The following ZNRF1 variants were observed in gnomAD, a reference collection of about 807,000 sequenced individuals.
The protein encoded by ZNRF1 is E3 ubiquitin-protein ligase ZNRF1.
In ZNRF1, 3 loss-of-function variants were observed where a neutral mutation model predicts 18.4. The observed-to-expected ratio is 0.16, with a 90% CI of 0.07 to 0.42. The LOEUF (loss-of-function observed/expected upper bound fraction) is 0.42. Among genes scored for constraint, ZNRF1 ranks in the 10% least tolerant of loss-of-function variants. ZNRF1 has a pLI of 0.99. For synonymous variants in ZNRF1, 157 were observed against 144.2 expected, an observed-to-expected ratio of 1.09 and a Z score of -0.64; for missense variants, 310 against 329.8, an observed-to-expected ratio of 0.94 and a Z score of 0.47.
At chr16:75,047,110 C>T (rs1680843758) in intron 1 of ZNRF1, among the ~76,000 whole-genome samples, 2 of 152,140 alleles carry the variant, frequency 1.3e-5, no homozygotes, top group Admixed American at 6.6e-5. Context: ...TACAGATCCA[C>T]CCCATTCATT....
At chr16:75,007,120 C>T (rs572530901) in intron 1 of ZNRF1, among the ~76,000 whole-genome samples, 4 of 150,382 alleles carry the variant, frequency 2.7e-5, no homozygotes, top group South Asian at 2.1e-4. Context: ...TGCAGTGGCA[C>T]GATCATGGCT....
intron 1 of ZNRF1, among the ~76,000 whole-genome samples, chr16:75,030,936 G>A (rs1447307721): frequency 2.0e-5 from 3 of 149,334 alleles, no homozygotes; most frequent in Non-Finnish European, 4.4e-5. Flanking sequence ...CGCCTCCCGG[G>A]TTCAAGCAAT....
chr16:75,032,269 C>T (rs1234341952), intron 1 of ZNRF1, among the ~76,000 whole-genome samples: 1 of 150,024 alleles, frequency 6.7e-6, no homozygotes, highest in Non-Finnish European at 1.5e-5. Flanking sequence ...GCCATCCTGC[C>T]TGGCTAAGTT....
rs1242260016 is a variant in ZNRF1, at chr16:75,109,462, T to TC, written c.*1764dup. 6.5e-6 allele frequency: 1 copy of TC among 153,000 alleles called. No homozygotes were observed. The highest frequency in any genetic ancestry group is 1.5e-5 in the Non-Finnish European group (1 of 68,432). The allele number at this position is 153,000 out of a possible 1,614,324, so 9.5% of individuals were successfully genotyped here. A position where few individuals can be genotyped will look rare whatever the true frequency, so the allele number is the denominator to read the frequency against. ...ACGGCCCCTGGCTCCGCAGTCACCC[T>TC]CCATCAGATGCTTCCAGAAGCACCT... is the stretch of plus-strand genomic sequence containing the variant. On this transcript the variant is annotated 3_prime_UTR_variant, in exon 5 of 5. Transcript: ENST00000335325.
intron 1 of ZNRF1, among the ~76,000 whole-genome samples, chr16:75,010,711 G>GTTT (rs67210395): frequency 0.015 from 1,142 of 74,156 alleles, 109 homozygotes; most frequent in African/African-American, 0.036. Flanking sequence ...GTTTTTTTTT[G>GTTT]TTTTTTTGTT....
At position 75,107,960 on chromosome 16, in the gene ZNRF1, T is replaced by C. The variant is rs2036337409; in HGVS notation, c.*260T>C. On this transcript the variant is annotated 3_prime_UTR_variant, in exon 5 of 5. Transcript: ENST00000335325. ...CCCAGGAGGGAAAGGGCATTTTCTT[T>C]TTCATCTTTGAAAGGCATTGTGGGT... 5.7e-6 allele frequency: 2 copies of C among 353,756 alleles called. No homozygotes were observed. The highest frequency in any genetic ancestry group is 4.3e-5 in the African/African-American group (2 of 46,492). The allele number at this position is 353,756 out of a possible 1,614,324, so 21.9% of individuals were successfully genotyped here.
intron 2 of ZNRF1, among the ~76,000 whole-genome samples, chr16:75,099,452 C>T (rs555468375): frequency 2.6e-5 from 4 of 152,274 alleles, no homozygotes; most frequent in South Asian, 2.1e-4. Flanking sequence ...CCGTGCTCGC[C>T]ATTCTGGTTT....
intron 1 of ZNRF1, among the ~76,000 whole-genome samples, chr16:75,008,051 C>A (rs1440070533): frequency 6.6e-6 from 1 of 150,390 alleles, no homozygotes; most frequent in Non-Finnish European, 1.5e-5. Context: ...CTTTTTTTTT[C>A]TTTTTTCGGT....
chr16:75,014,412 G>A (rs2035039869), intron 1 of ZNRF1, among the ~76,000 whole-genome samples: 1 of 152,154 alleles, frequency 6.6e-6, no homozygotes, highest in Non-Finnish European at 1.5e-5. Flanking sequence ...AAGATATTAT[G>A]AGGTGTGTGT....
intron 1 of ZNRF1, among the ~76,000 whole-genome samples, chr16:75,084,141 C>T (rs917985574): frequency 1.3e-5 from 2 of 152,198 alleles, no homozygotes; most frequent in African/African-American, 4.8e-5. Context: ...CCTTAAAGTC[C>T]GCTTGGGTGT....
At chr16:75,098,256 G>A (rs1297745623) in intron 2 of ZNRF1, among the ~76,000 whole-genome samples, 4 of 152,222 alleles carry the variant, frequency 2.6e-5, no homozygotes, top group Non-Finnish European at 4.4e-5. Flanking sequence ...AGGCCTGCAA[G>A]GCCCTAACAC....
chr16:75,030,153 A>G (rs1184885618), intron 1 of ZNRF1, among the ~76,000 whole-genome samples: 1 of 152,106 alleles, frequency 6.6e-6, no homozygotes, highest in African/African-American at 2.4e-5. Context: ...GGTTTTTAGT[A>G]TATTCTGAGA....
At chr16:75,088,792 C>A (rs2036103409) in intron 1 of ZNRF1, among the ~76,000 whole-genome samples, 1 of 152,166 alleles carries the variant, frequency 6.6e-6, no homozygotes, top group African/African-American at 2.4e-5. Flanking sequence ...ATGTAAAGCA[C>A]CATGGCTGTC....
At position 74,999,944 on chromosome 16, in the gene ZNRF1, T is replaced by C; in HGVS notation, c.273T>C (p.Ser91=). 6.4e-7 allele frequency: 1 copy of C among 1,570,362 alleles called. No homozygotes were observed. The highest frequency in any genetic ancestry group is 8.6e-7 in the Non-Finnish European group (1 of 1,159,066). ...DSERAPGGGG[S]ASDSTYAHGN... ...AGAGGGCGCCCGGCGGCGGAGGGTC[T>C]GCGTCCGACTCCACCTATGCCCATG... Residue 91 remains serine, a synonymous_variant, in exon 1 of 5, where the codon TCT becomes TCC. Transcript: ENST00000335325.
At chr16:75,034,282 A>G (rs1295947332) in intron 1 of ZNRF1, among the ~76,000 whole-genome samples, 1 of 152,200 alleles carries the variant, frequency 6.6e-6, no homozygotes. Flanking sequence ...ATAACTCTGT[A>G]CCCATTAAAC....
chr16:75,076,016 T>G (rs1318929019), intron 1 of ZNRF1, among the ~76,000 whole-genome samples: 1 of 152,154 alleles, frequency 6.6e-6, no homozygotes. Flanking sequence ...AAAAATATGC[T>G]TAACAGAACT....
At chr16:75,000,221 C>T (rs780086542) in intron 1 of ZNRF1, 126 bp downstream of exon 1, 111 of 1,345,944 alleles carry the variant, frequency 8.2e-5, no homozygotes, top group Non-Finnish European at 9.3e-5. Flanking sequence ...CTTTGGTTCC[C>T]GATGCCAAGG....
chr16:75,051,887 C>T (rs534098960), intron 1 of ZNRF1, among the ~76,000 whole-genome samples: 6 of 152,280 alleles, frequency 3.9e-5, no homozygotes, highest in African/African-American at 1.4e-4. Flanking sequence ...ATTTATCTAT[C>T]CACCTCTTAT....
chr16:75,024,454 G>T (rs1183640554), intron 1 of ZNRF1, among the ~76,000 whole-genome samples: 1 of 152,198 alleles, frequency 6.6e-6, no homozygotes, highest in Non-Finnish European at 1.5e-5. Context: ...AAGAAGTACA[G>T]TAATCATAGG....
Sources: allele counts gnomAD v4.1 joint callset (sites outside exome capture counted in the v4.1 genomes callset), GRCh38; gene constraint gnomAD v4.1.1; transcripts MANE v1.5; gene names NCBI Gene and HGNC (gene_info 2026-07-23, HGNC 2026-07-21).